GLRX2: variants seen among roughly 807,000 people sequenced by gnomAD.
GLRX2 encodes glutaredoxin 2.
In GLRX2, 12 loss-of-function variants were observed where a neutral mutation model predicts 16.4. The observed-to-expected ratio is 0.73, with a 90% CI of 0.47 to 1.19. GLRX2 has a LOEUF of 1.19. Among genes scored for constraint, GLRX2 ranks in the 50% most tolerant of loss-of-function variants. The pLI is 0.00. For synonymous variants in GLRX2, 95 were observed against 76.2 expected (o/e 1.25, Z -1.28); for missense variants, 201 against 201.8 (o/e 1.00, Z 0.02).
chr1:193,101,783 A>G (rs1675081917), intron 1 of GLRX2, among the ~76,000 whole-genome samples: 2 of 152,200 alleles, frequency 1.3e-5, no homozygotes, highest in African/African-American at 2.4e-5. Context: ...AATGCTCAAT[A>G]ATGTTTAACA....
At chr1:193,103,238 G>A (rs538968923) in intron 1 of GLRX2, among the ~76,000 whole-genome samples, 1 of 152,286 alleles carries the variant, frequency 6.6e-6, no homozygotes, top group African/African-American at 2.4e-5. Flanking sequence ...TTCTATCAGT[G>A]CAGTTGTAAA....
At chr1:193,098,386 C>G (rs1296316291) in intron 2 of GLRX2, among the ~76,000 whole-genome samples, 4 of 152,022 alleles carry the variant, frequency 2.6e-5, no homozygotes, top group Non-Finnish European at 1.5e-5. Context: ...ACTAAAAACA[C>G]AAAAGTTGCC....
At chr1:193,105,798 C>G (rs779933227), upstream of GLRX2, 20 of 1,333,716 alleles carry the variant, frequency 1.5e-5, no homozygotes, top group Non-Finnish European at 1.8e-5. Context: ...TCAGATGTTT[C>G]CAACTACCTG....
At chr1:193,105,556 C>T (rs202205053), upstream of GLRX2, 64 of 1,600,892 alleles carry the variant, frequency 4.0e-5, no homozygotes, top group East Asian at 1.3e-3. Flanking sequence ...GCTGCCCGAG[C>T]GCTGGATTCC....
chr1:193,102,057 T>G (rs774161099), intron 1 of GLRX2, among the ~76,000 whole-genome samples: 1 of 152,028 alleles, frequency 6.6e-6, no homozygotes, highest in African/African-American at 2.4e-5. Flanking sequence ...AACTGCAGAG[T>G]AAAATTACAA....
chr1:193,105,453 C>T, upstream of GLRX2: 1 of 1,449,382 alleles, frequency 6.9e-7, no homozygotes, highest in East Asian at 2.8e-5. Flanking sequence ...CCTCCTCCGG[C>T]CCGGCCCCCG....
intron 1 of GLRX2, among the ~76,000 whole-genome samples, chr1:193,104,374 T>TA (rs1675141113): frequency 6.6e-6 from 1 of 152,164 alleles, no homozygotes; most frequent in Admixed American, 6.5e-5. Flanking sequence ...GGCAAAGTGC[T>TA]ATATTGACCC....
upstream of GLRX2, chr1:193,105,436 G>C: frequency 6.9e-7 from 1 of 1,456,166 alleles, no homozygotes; most frequent in East Asian, 2.8e-5. Context: ...CGGATCCCGG[G>C]AGCCCGCCTC....
chr1:193,101,052 T>G, intron 2 of GLRX2, 89 bp downstream of exon 2: 1 of 818,590 alleles, frequency 1.2e-6, no homozygotes, highest in East Asian at 2.5e-5. Flanking sequence ...CTATCTCAAG[T>G]TTGGATATTG....
chr1:193,101,174 C>T lies in GLRX2; in HGVS notation c.150G>A (p.Glu50=). Residue 50 remains glutamate (E), a synonymous_variant, in exon 2 of 4, where the codon GAG becomes GAA. Transcript: ENST00000367439. ...GMESNTSSSL[E]NLATAPVNQI... Reference sequence around the variant, plus strand: ...GGTTCACAGGCGCCGTCGCTAAATTCTCCAAAGATGATGATGTATTGCTCT... The same window carrying T: ...GGTTCACAGGCGCCGTCGCTAAATTTTCCAAAGATGATGATGTATTGCTCT... 1 of 1,611,370 alleles carries T rather than the reference C, an allele frequency of 6.2e-7. No homozygotes were observed. The highest frequency in any genetic ancestry group is 8.5e-7 in the Non-Finnish European group (1 of 1,177,588).
chr1:193,104,417 T>A (rs970756476), intron 1 of GLRX2, among the ~76,000 whole-genome samples: 1 of 152,188 alleles, frequency 6.6e-6, no homozygotes, highest in African/African-American at 2.4e-5. Flanking sequence ...CGGCGGGGCC[T>A]CAAAGAGCTG....
At chr1:193,100,905 TAGAG>T (rs961099949) in intron 2 of GLRX2, among the ~76,000 whole-genome samples, 2 of 152,180 alleles carry the variant, frequency 1.3e-5, no homozygotes, top group Non-Finnish European at 2.9e-5. Context: ...TTATCCAACT[TAGAG>T]GGAGTGAAGA....
At chr1:193,104,006 T>C (rs149075030) in intron 1 of GLRX2, among the ~76,000 whole-genome samples, 1 of 152,324 alleles carries the variant, frequency 6.6e-6, no homozygotes, top group African/African-American at 2.4e-5. Context: ...ATCAGCAAGC[T>C]GTATTTGGTT....
In GLRX2 at chr1:193,105,293, A is replaced by AGCTCCCGCC. The variant is rs746353911; in HGVS notation, c.81_89dup (p.Gly32_Ala34dup). 87 of 1,529,630 alleles carry AGCTCCCGCC rather than the reference A, an allele frequency of 5.7e-5. 2 individuals are homozygous for AGCTCCCGCC. In the South Asian group the frequency reaches 9.9e-4, roughly 17 times the overall value. The allele number at this position is 1,529,630 out of a possible 1,614,324, so 94.8% of individuals were successfully genotyped here. A position where few individuals can be genotyped will look rare whatever the true frequency, so the allele number is the denominator to read the frequency against. On this transcript the variant is annotated inframe_insertion, in exon 1 of 4. Transcript: ENST00000367439. ...AGGCCGCAGCTGCCGCAGCTCCCGCAGCTCCCGCCGCCCTGTCAAGCCAGC... is the reference window on the plus strand; with the variant it reads ...AGGCCGCAGCTGCCGCAGCTCCCGCAGCTCCCGCCGCTCCCGCCGCCCTGTCAAGCCAGC...
chr1:193,102,906 C>T (rs1675107764), intron 1 of GLRX2, among the ~76,000 whole-genome samples: 2 of 152,200 alleles, frequency 1.3e-5, no homozygotes, highest in Admixed American at 6.5e-5. Context: ...TCCCTTTGTC[C>T]AGCATATGGA....
At chr1:193,097,934 T>C (rs1168278670) in intron 2 of GLRX2, among the ~76,000 whole-genome samples, 174 bp from the exon 3 acceptor site, 1 of 152,194 alleles carries the variant, frequency 6.6e-6, no homozygotes, top group African/African-American at 2.4e-5. Flanking sequence ...CAAAGCAATG[T>C]TATTAGAAAA....
intron 1 of GLRX2, among the ~76,000 whole-genome samples, chr1:193,101,803 T>G (rs1307654330): frequency 6.6e-6 from 1 of 152,214 alleles, no homozygotes; most frequent in Non-Finnish European, 1.5e-5. Context: ...ATTACTACTA[T>G]TAGTTCCTGA....
intron 1 of GLRX2, among the ~76,000 whole-genome samples, chr1:193,102,291 TTA>T (rs1185940581): frequency 6.6e-6 from 1 of 152,152 alleles, no homozygotes; most frequent in Non-Finnish European, 1.5e-5. Context: ...AAGCTACTTT[TTA>T]TGTTTTGTTT....
upstream of GLRX2, chr1:193,105,841 C>CCTAAATATAG (rs1233848021): frequency 3.1e-5 from 40 of 1,291,430 alleles, 1 homozygote; most frequent in Non-Finnish European, 3.9e-5. Flanking sequence ...GAAATAAGAG[C>CCTAAATATAG]CTAAATATAT....
Sources: gnomAD v4.1 joint callset for allele counts (sites outside exome capture counted in the v4.1 genomes callset) on GRCh38, gnomAD v4.1.1 for gene constraint, MANE v1.5 for transcripts, NCBI Gene and HGNC (gene_info 2026-07-23, HGNC 2026-07-21) for gene names.